The following OCA2 variants were observed in gnomAD, a reference collection of about 807,000 sequenced individuals.
The protein encoded by OCA2 is P protein.
A neutral mutation model predicts 100.2 loss-of-function variants in OCA2; 77 were observed. The ratio of observed to expected loss-of-function variants is 0.77; its 90% CI spans 0.64 to 0.93. OCA2 has a LOEUF of 0.93. Among genes scored for constraint, OCA2 ranks in the 40% least tolerant of loss-of-function variants. OCA2 has a pLI of 0.00. For synonymous variants in OCA2, 432 were observed against 439.2 expected, an observed-to-expected ratio of 0.98 and a Z score of 0.21; for missense variants, 1,062 against 1,089.1, an observed-to-expected ratio of 0.98 and a Z score of 0.35.
chr15:27,897,274 G>A (rs141405190), intron 19 of OCA2, among the ~76,000 whole-genome samples: 144 of 152,202 alleles, frequency 9.5e-4, no homozygotes, highest in Middle Eastern at 3.4e-3. Flanking sequence ...TTCCTGGGTC[G>A]GGCCCAGTGC....
chr15:27,896,845 C>G (rs1475056745), intron 19 of OCA2, among the ~76,000 whole-genome samples: 1 of 152,028 alleles, frequency 6.6e-6, no homozygotes, highest in Non-Finnish European at 1.5e-5. Context: ...AATGAGAAGC[C>G]GAATGTTAAT....
chr15:28,078,853 T>A (rs924998503), intron 2 of OCA2, among the ~76,000 whole-genome samples: 13 of 152,356 alleles, frequency 8.5e-5, no homozygotes, highest in African/African-American at 2.9e-4. Flanking sequence ...TCTTTATATG[T>A]ATATCCTGCC....
At chr15:28,059,221 G>A (rs1361268424) in intron 2 of OCA2, among the ~76,000 whole-genome samples, 1 of 152,222 alleles carries the variant, frequency 6.6e-6, no homozygotes, top group Non-Finnish European at 1.5e-5. Flanking sequence ...CAGGAGCCAC[G>A]CAGGGCAAAG....
intron 9 of OCA2, among the ~76,000 whole-genome samples, chr15:27,997,095 AAAGG>A (rs1275443206): frequency 7.6e-6 from 1 of 130,914 alleles, no homozygotes; most frequent in Non-Finnish European, 1.8e-5. Context: ...AGAAAGAAAG[AAAGG>A]AAGAAAGAAA....
chr15:28,080,609 C>G (rs1308297623), intron 2 of OCA2, among the ~76,000 whole-genome samples: 2 of 152,218 alleles, frequency 1.3e-5, no homozygotes, highest in Non-Finnish European at 2.9e-5. Flanking sequence ...CTGGAGCGGG[C>G]AGGATGACAG....
Position 27,951,910 on chromosome 15 carries a change from C to T in OCA2, c.1843-18G>A. The stretch of plus-strand genomic sequence containing the variant: ...ATCCTATGCTGTAAGAGAGAAACCA[C>T]AGCTCATTTACTCTGCACAACCTTC... On this transcript the variant is annotated intron_variant, in intron 17 of 23. Coordinates refer to ENST00000354638, the MANE Select transcript of OCA2 (RefSeq NM_000275.3). 6.5e-7 allele frequency: 1 copy of T among 1,544,970 alleles called. No individual in the cohort carries two copies. Among genetic ancestry groups the T allele is most frequent in the Non-Finnish European group, 8.9e-7 (1 of 1,117,438 alleles).
At chr15:27,773,892 T>A (rs75045713) in intron 23 of OCA2, among the ~76,000 whole-genome samples, 1 of 152,370 alleles carries the variant, frequency 6.6e-6, no homozygotes, top group East Asian at 1.9e-4. Flanking sequence ...AATTCCTGAA[T>A]TCTTGTAGAA....
Position 27,966,776 on chromosome 15 carries a change from C to A in OCA2, c.1550G>T (p.Cys517Phe). 3.1e-6 allele frequency: 5 copies of A among 1,613,306 alleles called. No individual in the cohort carries two copies. The highest frequency in any genetic ancestry group is 4.2e-6 in the Non-Finnish European group (5 of 1,179,946). ...CGGAAAGCAGACCAGGAGAACAAGG[C>A]AAATCCCAATGAACATGTGTGCAGT... is the stretch of plus-strand genomic sequence containing the variant. ...GFTAHMFIGI[C>F]LVLLVCFPLL... The change falls in exon 15 of 24, where the codon TGC (cysteine) becomes TTC (phenylalanine). Residue 517 changes from cysteine (C) to phenylalanine (F), a missense_variant. By Grantham distance (205) the Cys-to-Phe change is radical. Transcript: ENST00000354638.
chr15:27,853,550 G>C (rs978005136), intron 21 of OCA2, among the ~76,000 whole-genome samples: 34 of 150,702 alleles, frequency 2.3e-4, no homozygotes, highest in African/African-American at 8.3e-4. Context: ...ATGTGCACAT[G>C]TACCCTAAAA....
chr15:27,951,864 G>C lies in OCA2; in HGVS notation c.1871C>G (p.Ala624Gly). 6.2e-7 allele frequency: 1 copy of C among 1,613,856 alleles called. No homozygotes were observed. Among genetic ancestry groups the C allele is most frequent in the South Asian group, 1.1e-5 (1 of 91,062 alleles). The change falls in exon 18 of 24, where the codon GCC becomes GGC. Residue 624 changes from alanine (A) to glycine (G), a missense_variant. Coordinates refer to ENST00000354638, the MANE Select transcript of OCA2 (RefSeq NM_000275.3). The part of the protein sequence containing the change: ...KHRISDGILL[A>G]KCLTVLGFVI... ...AAATCCCAACACTGTCAGGCATTTG[G>C]CGAGCAGAATCCCGTCAGATATCCT...
intron 23 of OCA2, among the ~76,000 whole-genome samples, chr15:27,758,802 A>G (rs1223004248): frequency 6.6e-6 from 1 of 152,152 alleles, no homozygotes; most frequent in Admixed American, 6.5e-5. Flanking sequence ...AAAAAAGACT[A>G]AAAAAACAAA....
chr15:27,945,140 G>C (rs554569714), intron 18 of OCA2, among the ~76,000 whole-genome samples: 3 of 152,316 alleles, frequency 2.0e-5, no homozygotes, highest in Non-Finnish European at 4.4e-5. Context: ...AAACTAGAGT[G>C]CATAGAACAT....
chr15:28,048,866 C>T (rs1424575933), intron 2 of OCA2, among the ~76,000 whole-genome samples: 1 of 151,962 alleles, frequency 6.6e-6, no homozygotes, highest in Non-Finnish European at 1.5e-5. Flanking sequence ...ATTAGTGAGG[C>T]ATGGTGGCAT....
rs540574730 is a variant in OCA2 at position 27,907,074 on chromosome 15, A to C, written c.2079+19053T>G. ...CGCCACCATGACCCAAACACCTCCCATCAGGCCCCACCTCCAACACTGCGA... is the reference window on the plus strand; with the variant it reads ...CGCCACCATGACCCAAACACCTCCCCTCAGGCCCCACCTCCAACACTGCGA... On this transcript the variant is annotated intron_variant, in intron 19 of 23. Transcript: ENST00000354638. Among the ~76,000 whole-genome samples the C allele has an allele frequency of 3.3e-5, 5 of 152,306 alleles. No individual in the cohort carries two copies. In the South Asian group the frequency reaches 1.0e-3, roughly 32 times the overall value.
chr15:27,985,309 A>T (rs2041316508), intron 12 of OCA2, 121 bp from the exon 13 acceptor site: 1 of 1,187,274 alleles, frequency 8.4e-7, no homozygotes. Context: ...ATGGGTTAAG[A>T]CATAGACCCA....
chr15:27,860,678 A>T (rs911131871), intron 21 of OCA2, among the ~76,000 whole-genome samples: 1 of 152,100 alleles, frequency 6.6e-6, no homozygotes, highest in South Asian at 2.1e-4. Flanking sequence ...TATGTACCAC[A>T]TTTTCTTTAT....
Position 27,824,602 on chromosome 15 carries a change from C to CTCTCTCTATATATATATA in OCA2, c.2432+20356_2432+20357insTATATATATATAGAGAGA. Among the ~76,000 whole-genome samples the CTCTCTCTATATATATATA allele has an allele frequency of 3.8e-4, 18 of 47,594 alleles. 1 individual carries two copies. Among genetic ancestry groups the CTCTCTCTATATATATATA allele is most frequent in the African/African-American group, 2.4e-3 (15 of 6,322 alleles). 31.2% of individuals were successfully genotyped at this position (47,594 alleles called of 152,430 possible). A position where few individuals can be genotyped will look rare whatever the true frequency, so the allele number is the denominator to read the frequency against. On this transcript the variant is annotated intron_variant, in intron 23 of 23. Coordinates refer to ENST00000354638, the MANE Select transcript of OCA2 (RefSeq NM_000275.3). Reference sequence around the variant, plus strand: ...TTTCTCTCTCTCTCTCTCTCTCTCTCTATATATATATATATATATAATATA... The same window carrying CTCTCTCTATATATATATA: ...TTTCTCTCTCTCTCTCTCTCTCTCTCTCTCTCTATATATATATATATATATATATATATATATAATATA...
chr15:28,023,035 A>C (rs573225919), intron 5 of OCA2, among the ~76,000 whole-genome samples: 3 of 152,188 alleles, frequency 2.0e-5, no homozygotes, highest in Admixed American at 2.0e-4. Context: ...ATCTCCACAA[A>C]TCACCTAAAC....
At chr15:27,867,308 T>TG (rs1401956343) in intron 21 of OCA2, among the ~76,000 whole-genome samples, 2 of 151,926 alleles carry the variant, frequency 1.3e-5, no homozygotes, top group East Asian at 3.9e-4. Flanking sequence ...GAAATGATGG[T>TG]GAAAAAAAAG....
Sources: gnomAD v4.1 joint callset for allele counts (sites outside exome capture counted in the v4.1 genomes callset) on GRCh38, gnomAD v4.1.1 for gene constraint, MANE v1.5 for transcripts, NCBI Gene and HGNC (gene_info 2026-07-23, HGNC 2026-07-21) for gene names.